Variants in ADAMTSL1 observed in about 807,000 individuals in gnomAD.
ADAMTSL1 encodes ADAMTS like 1.
A neutral mutation model predicts 201.8 loss-of-function variants in ADAMTSL1; 126 were observed. The ratio of observed to expected loss-of-function variants is 0.62; its 90% confidence interval spans 0.54 to 0.72. ADAMTSL1 has a LOEUF of 0.72. ADAMTSL1 is among the 30% of genes least tolerant of loss of function. The pLI is 0.00. For synonymous variants in ADAMTSL1, 1,121 were observed against 903.4 expected, an observed-to-expected ratio of 1.24 and a Z score of -4.32; for missense variants, 2,679 against 2,277.8, an observed-to-expected ratio of 1.18 and a Z score of -3.59.
At position 18,717,416 on chromosome 9, in the gene ADAMTSL1, T is replaced by C. The variant is rs1002774800; in HGVS notation, c.1877-4120T>C. 2.0e-5 allele frequency among the ~76,000 whole-genome samples: 3 copies of C among 152,164 alleles called. No individual in the cohort carries two copies. The East Asian group carries it at 5.8e-4, about 29-fold the overall frequency. Reference sequence around the variant, plus strand: ...GACAAGATCACTGTCTCCATAGGTTTTTGAAACATTTTTAAAAACTATATA... The same window carrying C: ...GACAAGATCACTGTCTCCATAGGTTCTTGAAACATTTTTAAAAACTATATA... On this transcript the variant is annotated intron_variant, in intron 14 of 28. Transcript: ENST00000380548.
chr9:18,689,929 G>A (rs1273153662), intron 13 of ADAMTSL1, among the ~76,000 whole-genome samples: 1 of 152,152 alleles, frequency 6.6e-6, no homozygotes. Context: ...GACTATGTTT[G>A]TGCTTCAACA....
chr9:18,521,566 A>G (rs1301218619), intron 2 of ADAMTSL1, among the ~76,000 whole-genome samples: 5 of 152,072 alleles, frequency 3.3e-5, no homozygotes, highest in African/African-American at 1.2e-4. Context: ...TGCATACTGG[A>G]ACATGTCTAA....
intron 3 of ADAMTSL1, among the ~76,000 whole-genome samples, chr9:18,550,720 A>G (rs969381655): frequency 1.3e-5 from 2 of 151,984 alleles, no homozygotes; most frequent in Admixed American, 6.6e-5. Flanking sequence ...TCATGAGATA[A>G]TAAATTTGTG....
At chr9:18,766,609 G>C (rs746003958) in intron 16 of ADAMTSL1, among the ~76,000 whole-genome samples, 1 of 152,264 alleles carries the variant, frequency 6.6e-6, no homozygotes, top group East Asian at 1.9e-4. Flanking sequence ...AGTTCTGGAG[G>C]GTAGAAAGTC....
Position 18,497,885 on chromosome 9 carries a change from A to G in ADAMTSL1, c.64-6944A>G, listed in dbSNP as rs538232763. Among the ~76,000 whole-genome samples, 10 of 152,346 alleles carry G rather than the reference A, an allele frequency of 6.6e-5. No individual in the cohort carries two copies. The East Asian group carries it at 1.9e-3, about 29-fold the overall frequency. ...GAATACAAAATAAAATCAAGTTACC[A>G]TAGTTCTGAAATGAAAACCTTACTG... On this transcript the variant is annotated intron_variant, in intron 1 of 28. Transcript: ENST00000380548.
chr9:18,424,245 A>G (rs1819095112), intron 2 of ADAMTSL1, among the ~76,000 whole-genome samples: 1 of 152,218 alleles, frequency 6.6e-6, no homozygotes, highest in Non-Finnish European at 1.5e-5. Context: ...CCAATAAAGT[A>G]CAAGCAAGTG....
At chr9:18,630,141 C>T (rs148369826) in intron 5 of ADAMTSL1, among the ~76,000 whole-genome samples, 2 of 152,158 alleles carry the variant, frequency 1.3e-5, no homozygotes, top group East Asian at 3.9e-4. Flanking sequence ...CAGTTTGAAC[C>T]TTTGGGGTCT....
intron 3 of ADAMTSL1, among the ~76,000 whole-genome samples, chr9:18,541,219 G>A (rs1359605611): frequency 1.3e-5 from 2 of 152,120 alleles, no homozygotes; most frequent in Non-Finnish European, 2.9e-5. Flanking sequence ...AGGCTATTAC[G>A]ATGTATGAGT....
intron 14 of ADAMTSL1, among the ~76,000 whole-genome samples, chr9:18,710,306 C>G (rs1397205130): frequency 6.6e-6 from 1 of 152,182 alleles, no homozygotes; most frequent in Non-Finnish European, 1.5e-5. Context: ...AGGGCTGGCC[C>G]AAGATACTCC....
chr9:17,984,302 T>C (rs1818835879), intron 1 of ADAMTSL1, among the ~76,000 whole-genome samples: 1 of 152,106 alleles, frequency 6.6e-6, no homozygotes, highest in Non-Finnish European at 1.5e-5. Context: ...GTTAGCAGTT[T>C]TGTGTATCCT....
At chr9:18,501,465 C>G (rs374496382) in intron 1 of ADAMTSL1, among the ~76,000 whole-genome samples, 161 of 140,996 alleles carry the variant, frequency 1.1e-3, no homozygotes, top group African/African-American at 4.0e-3. Flanking sequence ...GATCGTGTCA[C>G]TGCACTCCAG....
chr9:17,943,562 T>C (rs1827330286), intron 1 of ADAMTSL1, among the ~76,000 whole-genome samples: 1 of 152,152 alleles, frequency 6.6e-6, no homozygotes. Flanking sequence ...TTGTTTTGTC[T>C]CTTTTCTACA....
chr9:18,371,443 G>GGA (rs1837038062), intron 2 of ADAMTSL1, among the ~76,000 whole-genome samples: 1 of 152,100 alleles, frequency 6.6e-6, no homozygotes, highest in Admixed American at 6.6e-5. Context: ...GACACAAGAG[G>GGA]GAGGTCTTTC....
At chr9:17,954,882 G>A (rs1588472481) in intron 1 of ADAMTSL1, among the ~76,000 whole-genome samples, 1 of 152,140 alleles carries the variant, frequency 6.6e-6, no homozygotes, top group Non-Finnish European at 1.5e-5. Flanking sequence ...TCAGCTATTT[G>A]AAGATGCTGG....
At chr9:18,759,670 G>GTTGTT (rs1819958167) in intron 16 of ADAMTSL1, among the ~76,000 whole-genome samples, 1 of 152,162 alleles carries the variant, frequency 6.6e-6, no homozygotes, top group Non-Finnish European at 1.5e-5. Context: ...TTCACATGTG[G>GTTGTT]TTGTTTTTGT....
chr9:18,426,920 C>G (rs1819249978), intron 2 of ADAMTSL1, among the ~76,000 whole-genome samples: 1 of 152,094 alleles, frequency 6.6e-6, no homozygotes, highest in Admixed American at 6.5e-5. Context: ...ATGAATCTGG[C>G]TAAGATTACA....
chr9:18,174,262 C>A (rs1182739884), intron 2 of ADAMTSL1, among the ~76,000 whole-genome samples: 2 of 152,060 alleles, frequency 1.3e-5, no homozygotes, highest in Admixed American at 6.6e-5. Context: ...AGCTATCAAC[C>A]CGTGCGTTGA....
At chr9:18,348,850 G>A (rs1229138362) in intron 2 of ADAMTSL1, among the ~76,000 whole-genome samples, 1 of 152,110 alleles carries the variant, frequency 6.6e-6, no homozygotes, top group African/African-American at 2.4e-5. Context: ...TATAAAATGT[G>A]TATTATTACA....
intron 7 of ADAMTSL1, among the ~76,000 whole-genome samples, chr9:18,652,610 T>G (rs1050264250): frequency 8.5e-5 from 13 of 152,210 alleles, no homozygotes; most frequent in African/African-American, 3.1e-4. Flanking sequence ...ATTCAGCACT[T>G]TATTATAAAA....
Sources: gnomAD v4.1 joint callset for allele counts (sites outside exome capture counted in the v4.1 genomes callset) on GRCh38, gnomAD v4.1.1 for gene constraint, MANE v1.5 for transcripts, NCBI Gene and HGNC (gene_info 2026-07-23, HGNC 2026-07-21) for gene names.